The following TAFA1 variants were observed in gnomAD, a reference collection of about 807,000 sequenced individuals.
The protein encoded by TAFA1 is TAFA chemokine like family member 1, also known as chemokine-like protein TAFA-1.
TAFA1 carries 4 observed loss-of-function variants against 18.5 expected under a neutral mutation model. The observed-to-expected ratio is 0.22, with a 90% CI of 0.11 to 0.49. The LOEUF is 0.49. Among genes scored for constraint, TAFA1 ranks in the 20% least tolerant of loss-of-function variants. The pLI, the probability that TAFA1 is intolerant of heterozygous loss-of-function variation, is 0.98. For missense variants in TAFA1, 147 were observed against 169.0 expected (o/e 0.87, Z 0.72); for synonymous variants, 56 against 55.2 (o/e 1.01, Z -0.06).
intron 2 of TAFA1, among the ~76,000 whole-genome samples, chr3:68,125,003 G>C (rs569976994): frequency 1.3e-5 from 2 of 152,326 alleles, no homozygotes; most frequent in African/African-American, 4.8e-5. Context: ...CGTTGACTGA[G>C]ACTCTTGTAA....
intron 2 of TAFA1, among the ~76,000 whole-genome samples, chr3:68,081,340 G>T (rs1005538264): frequency 6.6e-6 from 1 of 152,084 alleles, no homozygotes; most frequent in Admixed American, 6.5e-5. Flanking sequence ...ATCCAGCTTT[G>T]TTCCGTTGCT....
chr3:68,292,496 G>A (rs1286414469), intron 2 of TAFA1, among the ~76,000 whole-genome samples: 2 of 150,808 alleles, frequency 1.3e-5, no homozygotes, highest in African/African-American at 2.4e-5. Context: ...TAGGTTTCAT[G>A]TAAGTGTTTT....
chr3:68,412,601 T>C (rs917138445), intron 2 of TAFA1, among the ~76,000 whole-genome samples: 3 of 152,228 alleles, frequency 2.0e-5, no homozygotes, highest in African/African-American at 7.2e-5. Context: ...TGTTCAATTC[T>C]CACCTATGAG....
upstream of TAFA1, among the ~76,000 whole-genome samples, chr3:68,001,936 C>G (rs1415475249): frequency 6.6e-6 from 1 of 152,182 alleles, no homozygotes; most frequent in Non-Finnish European, 1.5e-5. Flanking sequence ...AAGAAGAGAT[C>G]TGAGGGTGTC....
chr3:68,403,984 G>C (rs908576732), intron 2 of TAFA1, among the ~76,000 whole-genome samples: 1 of 152,170 alleles, frequency 6.6e-6, no homozygotes, highest in African/African-American at 2.4e-5. Context: ...GGCTGCTCCA[G>C]CTAATACTAA....
intron 2 of TAFA1, among the ~76,000 whole-genome samples, chr3:68,065,963 A>G (rs2064673113): frequency 6.6e-6 from 1 of 152,142 alleles, no homozygotes; most frequent in Non-Finnish European, 1.5e-5. Context: ...ATAAATGTCA[A>G]AATCATTATG....
chr3:68,308,463 T>G lies in TAFA1; in HGVS notation c.119-108817T>G, dbSNP rs541062480. On this transcript the variant is annotated intron_variant, in intron 2 of 4. Coordinates refer to ENST00000478136, the MANE Select transcript of TAFA1 (RefSeq NM_213609.4). ...GGTCTATTACCCAGAATAGATGGCT[T>G]AGTAAGTTGATGCCTTTATAACAAA... is the stretch of plus-strand genomic sequence containing the variant. Among the ~76,000 whole-genome samples the G allele has an allele frequency of 2.0e-5, 3 of 152,316 alleles. No individual in the cohort carries two copies. The East Asian group carries it at 5.8e-4, about 29-fold the overall frequency.
chr3:68,399,956 C>A (rs1238906832), intron 2 of TAFA1, among the ~76,000 whole-genome samples: 1 of 152,164 alleles, frequency 6.6e-6, no homozygotes, highest in Non-Finnish European at 1.5e-5. Flanking sequence ...TCGACTCACA[C>A]AGGATCTCTC....
rs1010242132 is a variant in TAFA1 at position 68,245,806 on chromosome 3, A to G, written c.119-171474A>G. On this transcript the variant is annotated intron_variant, in intron 2 of 4. Coordinates refer to ENST00000478136, the MANE Select transcript of TAFA1 (RefSeq NM_213609.4). ...GGAAATCAATGTTTTGCTCTTGAGG[A>G]TTAGCTTTTATTGTCTTCGTGTTTT... 3.9e-5 allele frequency among the ~76,000 whole-genome samples: 6 copies of G among 152,304 alleles called. No individual in the cohort carries two copies. The East Asian group carries it at 1.2e-3, about 29-fold the overall frequency.
At chr3:68,523,590 T>C (rs1453983419) in intron 3 of TAFA1, among the ~76,000 whole-genome samples, 2 of 152,132 alleles carry the variant, frequency 1.3e-5, no homozygotes, top group Admixed American at 6.5e-5. Context: ...CTCATAAATA[T>C]AGTATCTGAA....
At chr3:68,225,621 C>A (rs1441113304) in intron 2 of TAFA1, among the ~76,000 whole-genome samples, 1 of 152,116 alleles carries the variant, frequency 6.6e-6, no homozygotes, top group Non-Finnish European at 1.5e-5. Context: ...GTCAGGTACC[C>A]AACATGCAGA....
chr3:68,097,749 A>T (rs2065102325), intron 2 of TAFA1, among the ~76,000 whole-genome samples: 1 of 152,130 alleles, frequency 6.6e-6, no homozygotes, highest in Non-Finnish European at 1.5e-5. Flanking sequence ...GAGTGTATGC[A>T]CAATAAAATA....
intron 3 of TAFA1, among the ~76,000 whole-genome samples, chr3:68,426,183 A>G (rs1349227495): frequency 6.6e-6 from 1 of 151,950 alleles, no homozygotes; most frequent in Non-Finnish European, 1.5e-5. Context: ...GTACCCCGTA[A>G]TTATTTATCA....
chr3:68,264,439 C>T (rs1315933684), intron 2 of TAFA1, among the ~76,000 whole-genome samples: 1 of 152,160 alleles, frequency 6.6e-6, no homozygotes, highest in Non-Finnish European at 1.5e-5. Flanking sequence ...ACTTACCTGG[C>T]TGTGGTTCTC....
chr3:68,506,472 G>GACACATACAC (rs2072757336), intron 3 of TAFA1, among the ~76,000 whole-genome samples: 1 of 150,740 alleles, frequency 6.6e-6, no homozygotes, highest in Non-Finnish European at 1.5e-5. Flanking sequence ...CACACACAGA[G>GACACATACAC]ACACACACAC....
At chr3:68,267,156 A>T (rs1389659761) in intron 2 of TAFA1, among the ~76,000 whole-genome samples, 1 of 152,176 alleles carries the variant, frequency 6.6e-6, no homozygotes, top group Non-Finnish European at 1.5e-5. Context: ...GAACACACAG[A>T]TAAGACTTGT....
At chr3:68,135,423 G>T (rs530287764) in intron 2 of TAFA1, among the ~76,000 whole-genome samples, 1 of 152,272 alleles carries the variant, frequency 6.6e-6, no homozygotes, top group African/African-American at 2.4e-5. Context: ...ATGTGAATTT[G>T]GGAATTTCCT....
At chr3:68,111,696 T>C (rs535018009) in intron 2 of TAFA1, among the ~76,000 whole-genome samples, 47 of 151,590 alleles carry the variant, frequency 3.1e-4, no homozygotes, top group Middle Eastern at 3.4e-3. Flanking sequence ...ATCTTTAGGA[T>C]AACAAATAAA....
At chr3:68,081,130 C>G (rs1253456390) in intron 2 of TAFA1, among the ~76,000 whole-genome samples, 2 of 152,192 alleles carry the variant, frequency 1.3e-5, no homozygotes, top group African/African-American at 4.8e-5. Flanking sequence ...CTGCATTCTT[C>G]ACGTAGTTCT....
Sources: gnomAD v4.1 joint callset for allele counts (sites outside exome capture counted in the v4.1 genomes callset) on GRCh38, gnomAD v4.1.1 for gene constraint, MANE v1.5 for transcripts, NCBI Gene and HGNC (gene_info 2026-07-23, HGNC 2026-07-21) for gene names.